The following OPRM1 variants were observed in gnomAD, a reference collection of about 807,000 sequenced individuals.
OPRM1 encodes opioid receptor mu 1, also known as mu-type opioid receptor.
In OPRM1, 27 loss-of-function variants were observed where a neutral mutation model predicts 31.8. The observed-to-expected ratio is 0.85, with a 90% CI of 0.63 to 1.17. The LOEUF (loss-of-function observed/expected upper bound fraction) is 1.17, where lower values mean the gene tolerates loss of function less well. OPRM1 is among the 50% of genes most tolerant of loss of function. The pLI, the probability that OPRM1 is intolerant of heterozygous loss-of-function variation, is 0.00. For missense variants in OPRM1, 536 were observed against 511.1 expected, an observed-to-expected ratio of 1.05 and a Z score of -0.47; for synonymous variants, 196 against 189.9, an observed-to-expected ratio of 1.03 and a Z score of -0.26.
chr6:154,030,405 T>A (rs985192152), intron 1 of OPRM1, among the ~76,000 whole-genome samples: 3 of 152,188 alleles, frequency 2.0e-5, no homozygotes, highest in East Asian at 1.9e-4. Context: ...CTTTAAGAAT[T>A]TAAACATTTG....
chr6:154,237,725 T>C (rs1780245143), intron 3 of OPRM1, among the ~76,000 whole-genome samples: 3 of 152,148 alleles, frequency 2.0e-5, no homozygotes, highest in Admixed American at 6.5e-5. Flanking sequence ...TTGTCCCTTA[T>C]ACCATGCTGC....
downstream of OPRM1, among the ~76,000 whole-genome samples, chr6:154,135,262 A>G (rs1043903310): frequency 7.2e-5 from 11 of 152,288 alleles, no homozygotes; most frequent in East Asian, 1.7e-3. Context: ...TGAGGTCCGG[A>G]GTTCAAGACC....
In OPRM1 at chr6:154,067,008, CT is replaced by C. The variant is rs1033211390; in HGVS notation, c.291-22817del. 1.6e-4 allele frequency among the ~76,000 whole-genome samples: 24 copies of C among 152,144 alleles called. 1 individual carries two copies. Among genetic ancestry groups the C allele is most frequent in the Admixed American group, 1.2e-3 (19 of 15,278 alleles). ...TAAACATTTTATTTATGTACAAAAA[CT>C]AGTAATATGCCTACTTCAACATTTT... On this transcript the variant is annotated intron_variant, in intron 1 of 3. Transcript: ENST00000330432.
intron 1 of OPRM1, among the ~76,000 whole-genome samples, chr6:154,084,917 A>AC (rs1790150466): frequency 6.1e-5 from 9 of 146,398 alleles, no homozygotes; most frequent in African/African-American, 7.5e-5. Context: ...TGTGGAATTA[A>AC]ACACACACAC....
chr6:154,192,960 C>T (rs765953185), intron 3 of OPRM1, among the ~76,000 whole-genome samples: 5 of 152,114 alleles, frequency 3.3e-5, no homozygotes, highest in Non-Finnish European at 5.9e-5. Flanking sequence ...AACAGTGTGG[C>T]GATTCCTTAA....
At chr6:154,021,774 G>A (rs1361211936) in intron 1 of OPRM1, among the ~76,000 whole-genome samples, 1 of 152,116 alleles carries the variant, frequency 6.6e-6, no homozygotes, top group Non-Finnish European at 1.5e-5. Context: ...ATATAGGAAA[G>A]CAATTAACTT....
At chr6:154,147,289 A>G (rs949539965) in intron 3 of OPRM1, among the ~76,000 whole-genome samples, 1 of 152,176 alleles carries the variant, frequency 6.6e-6, no homozygotes, top group Non-Finnish European at 1.5e-5. Flanking sequence ...CTTGTTTTTC[A>G]TATTGTTCAC....
At position 154,197,476 on chromosome 6, in the gene OPRM1, G is replaced by GA. The variant is rs201462405; in HGVS notation, c.1165-49209dup. On this transcript the variant is annotated intron_variant, in intron 3 of 3. Transcript: ENST00000337049. Reference sequence around the variant, plus strand: ...GAGAACTGCCAACAAATCAATGAGAGAAAAAAAATACTTTCATTTTCTTTT... The same window carrying GA: ...GAGAACTGCCAACAAATCAATGAGAGAAAAAAAAATACTTTCATTTTCTTTT... Among the ~76,000 whole-genome samples the GA allele has an allele frequency of 5.1e-3, 771 of 151,928 alleles. 10 individuals carry two copies. The highest frequency in any genetic ancestry group is 0.017 in the African/African-American group (724 of 41,450).
At chr6:154,087,209 G>A (rs1790801624) in intron 1 of OPRM1, 1 of 985,266 alleles carries the variant, frequency 1.0e-6, no homozygotes, top group African/African-American at 1.7e-5. Flanking sequence ...GACCAGATCA[G>A]GTATCAGAAT....
At position 154,215,259 on chromosome 6, in the gene OPRM1, C is replaced by T. The variant is rs529220534; in HGVS notation, c.1165-31434C>T. ...TGTCAGATAATTAGGAATCCTTACG[C>T]AACCCTCAACCTGCCATGGTCTTGT... On this transcript the variant is annotated intron_variant, in intron 3 of 3. Transcript: ENST00000337049. Among the ~76,000 whole-genome samples, 38 of 151,630 alleles carry T rather than the reference C, an allele frequency of 2.5e-4. 1 individual carries two copies. The South Asian group carries it at 8.0e-3, about 32-fold the overall frequency.
At chr6:154,138,185 C>CCACCTT (rs1189422543) in intron 3 of OPRM1, among the ~76,000 whole-genome samples, 1 of 151,976 alleles carries the variant, frequency 6.6e-6, no homozygotes, top group East Asian at 1.9e-4. Context: ...GTTTCTGCCA[C>CCACCTT]TGCAAAGTCT....
At chr6:154,184,832 A>C (rs1024716940) in intron 3 of OPRM1, among the ~76,000 whole-genome samples, 1 of 152,190 alleles carries the variant, frequency 6.6e-6, no homozygotes, top group Non-Finnish European at 1.5e-5. Flanking sequence ...AGATTTTATC[A>C]AGCATGTTAT....
intron 3 of OPRM1, among the ~76,000 whole-genome samples, chr6:154,105,427 GTCTT>G (rs1449911503): frequency 6.6e-6 from 1 of 152,190 alleles, no homozygotes; most frequent in African/African-American, 2.4e-5. Context: ...AACATTCCAT[GTCTT>G]CATGAGTTCT....
Position 154,228,991 on chromosome 6 carries a change from T to C in OPRM1, c.1165-17702T>C, listed in dbSNP as rs571237583. Among the ~76,000 whole-genome samples, 31 of 152,360 alleles carry C rather than the reference T, an allele frequency of 2.0e-4. 2 individuals carry two copies. Among genetic ancestry groups the C allele is most frequent in the South Asian group, 6.2e-4 (3 of 4,834 alleles). On this transcript the variant is annotated intron_variant, in intron 3 of 3. Coordinates refer to the OPRM1 transcript ENST00000337049. ...TAATGCCCTTCCTACCTCATTCCCCTAGATAAGTTTCCAGGATTCAACTTA... is the reference window on the plus strand; with the variant it reads ...TAATGCCCTTCCTACCTCATTCCCCCAGATAAGTTTCCAGGATTCAACTTA...
chr6:154,231,417 T>G (rs35101391), intron 3 of OPRM1, among the ~76,000 whole-genome samples: 2,822 of 152,290 alleles, frequency 0.019, 44 homozygotes, highest in Non-Finnish European at 0.028. Context: ...AACTATACCT[T>G]GGAGAATATG....
Position 154,187,562 on chromosome 6 carries a change from T to G in OPRM1, c.1165-59131T>G, listed in dbSNP as rs74626934. 7.2e-4 allele frequency among the ~76,000 whole-genome samples: 109 copies of G among 152,328 alleles called. 1 individual carries two copies. Among genetic ancestry groups the G allele is most frequent in the African/African-American group, 2.2e-3 (91 of 41,548 alleles). ...CATTAGGTGGGTGACCTGTACTACC[T>G]CACCAGTAGTTATTGAAAAACATGT... On this transcript the variant is annotated intron_variant, in intron 3 of 3. Coordinates refer to the OPRM1 transcript ENST00000337049.
intron 3 of OPRM1, among the ~76,000 whole-genome samples, chr6:154,166,228 C>T (rs757879030): frequency 2.6e-5 from 4 of 152,234 alleles, no homozygotes; most frequent in Admixed American, 2.0e-4. Flanking sequence ...TCACCAATGA[C>T]GAGGTCACAG....
intron 3 of OPRM1, among the ~76,000 whole-genome samples, chr6:154,190,095 T>C (rs968617849): frequency 1.3e-5 from 2 of 152,206 alleles, no homozygotes; most frequent in African/African-American, 4.8e-5. Flanking sequence ...ATGTACTTCC[T>C]ATACTTATAT....
intron 3 of OPRM1, among the ~76,000 whole-genome samples, chr6:154,162,932 C>T (rs1799141034): frequency 6.6e-6 from 1 of 152,172 alleles, no homozygotes; most frequent in African/African-American, 2.4e-5. Flanking sequence ...TTCCAATGCA[C>T]ACCAAACCCG....
Sources: gnomAD v4.1 joint callset for allele counts (sites outside exome capture counted in the v4.1 genomes callset) on GRCh38, gnomAD v4.1.1 for gene constraint, MANE v1.5 for transcripts, NCBI Gene and HGNC (gene_info 2026-07-23, HGNC 2026-07-21) for gene names.